Variants in PRMT9 observed in about 807,000 individuals in gnomAD.
PRMT9 encodes protein arginine methyltransferase 9.
PRMT9 carries 59 observed loss-of-function variants against 83.2 expected under a neutral mutation model. The observed-to-expected ratio is 0.71, with a 90% confidence interval of 0.57 to 0.88. The LOEUF is 0.88. Among genes scored for constraint, PRMT9 ranks in the 40% least tolerant of loss-of-function variants. The pLI is 0.00. For missense variants in PRMT9, 947 were observed against 1,021.9 expected (o/e 0.93, Z 1.00); for synonymous variants, 333 against 353.2 (o/e 0.94, Z 0.64).
intron 8 of PRMT9, 94 bp downstream of exon 8, chr4:147,657,698 A>G (rs540145210): frequency 1.1e-6 from 1 of 925,504 alleles, no homozygotes; most frequent in Admixed American, 2.1e-5. Flanking sequence ...TTTGACTGAA[A>G]CCTTCATATC....
At chr4:147,669,096 A>G (rs1424236627) in intron 5 of PRMT9, among the ~76,000 whole-genome samples, 2 of 152,110 alleles carry the variant, frequency 1.3e-5, no homozygotes, top group Non-Finnish European at 2.9e-5. Context: ...TAAAAAAAAA[A>G]AAGTATTTTT....
At chr4:147,660,036 G>C (rs1734846507) in intron 7 of PRMT9, among the ~76,000 whole-genome samples, 1 of 152,152 alleles carries the variant, frequency 6.6e-6, no homozygotes, top group African/African-American at 2.4e-5. Context: ...CATGAAGGCT[G>C]GTCACCATAA....
chr4:147,671,396 T>C lies in PRMT9; in HGVS notation c.744-653A>G, dbSNP rs1176748129. On this transcript the variant is annotated intron_variant, in intron 4 of 11. Coordinates refer to ENST00000322396, the MANE Select transcript of PRMT9 (RefSeq NM_138364.4). ...CAGAACTCTGCTCTTCTGTCCATTC[T>C]TTCTTTCTAGAAAACTTTACTCAAA... Among the ~76,000 whole-genome samples, 4 of 152,238 alleles carry C rather than the reference T, an allele frequency of 2.6e-5. No homozygotes were observed. In the East Asian group the frequency reaches 5.8e-4, roughly 22 times the overall value.
chr4:147,641,780 G>C (rs1317170992), intron 10 of PRMT9, among the ~76,000 whole-genome samples: 1 of 152,092 alleles, frequency 6.6e-6, no homozygotes, highest in Non-Finnish European at 1.5e-5. Context: ...TCCTACCTCA[G>C]CCTCCCAAGT....
At chr4:147,652,202 ATTAAT>A (rs1177259352) in intron 9 of PRMT9, among the ~76,000 whole-genome samples, 1 of 152,116 alleles carries the variant, frequency 6.6e-6, no homozygotes, top group Non-Finnish European at 1.5e-5. Flanking sequence ...TTCTAATTTA[ATTAAT>A]TTAAAAAAAA....
At chr4:147,678,861 G>C (rs1736269713) in intron 2 of PRMT9, among the ~76,000 whole-genome samples, 1 of 152,150 alleles carries the variant, frequency 6.6e-6, no homozygotes, top group Non-Finnish European at 1.5e-5. Flanking sequence ...GCTTGCACCT[G>C]GTTTTCCTTT....
At chr4:147,661,261 TAA>T (rs35220006) in intron 6 of PRMT9, 26,044 of 285,378 alleles carry the variant, frequency 0.091, no homozygotes, top group Middle Eastern at 0.12. Context: ...GTCTGCTCAC[TAA>T]AAAAAAAAAA....
chr4:147,674,911 C>A (rs541621181), intron 2 of PRMT9, among the ~76,000 whole-genome samples: 63 of 152,358 alleles, frequency 4.1e-4, no homozygotes, highest in Non-Finnish European at 7.5e-4. Flanking sequence ...CAGAACTGAG[C>A]TAGTAGAACC....
rs964592466 is a variant in PRMT9 at position 147,638,361 on chromosome 4, TATA to T, written c.*168_*170del. 1.6e-6 allele frequency: 1 copy of T among 618,870 alleles called. No individual in the cohort carries two copies. Among genetic ancestry groups the T allele is most frequent in the African/African-American group, 1.8e-5 (1 of 54,332 alleles). The allele number at this position is 618,870 out of a possible 1,614,324, so 38.3% of individuals were successfully genotyped here. A position where few individuals can be genotyped will look rare whatever the true frequency, so the allele number is the denominator to read the frequency against. ...GAAAGCAAATCTGCAGCAGTATTTCTATAATAATGCTACCCTTTTATTTAGAAT... is the reference window on the plus strand; with the variant it reads ...GAAAGCAAATCTGCAGCAGTATTTCTATAATGCTACCCTTTTATTTAGAAT... On this transcript the variant is annotated 3_prime_UTR_variant, in exon 12 of 12. Transcript: ENST00000322396.
chr4:147,654,133 G>A lies in PRMT9; in HGVS notation c.1764C>T (p.Ser588=), dbSNP rs777254663. ...ILEPFYVLDV[S]EGFSVLPVIA... ...TAACAGGCAGAACAGAGAAGCCTTC[G>A]GACACATCTAACACGTAGAAAGGTT... Residue 588 remains serine, a synonymous_variant, in exon 9 of 12, where the codon TCC becomes TCT. Transcript: ENST00000322396. The A allele has an allele frequency of 1.2e-5, 19 of 1,614,020 alleles. 1 individual carries two copies. The Middle Eastern group carries it at 8.2e-4, about 70-fold the overall frequency.
At chr4:147,657,766 T>C in intron 8 of PRMT9, 26 bp downstream of exon 8, 1 of 1,269,716 alleles carries the variant, frequency 7.9e-7, no homozygotes, top group African/African-American at 1.5e-5. Flanking sequence ...AGCAAGAGGT[T>C]AAAAAAAAAA....
chr4:147,682,178 T>C (rs1410706300), intron 1 of PRMT9, among the ~76,000 whole-genome samples: 1 of 151,868 alleles, frequency 6.6e-6, no homozygotes, highest in Non-Finnish European at 1.5e-5. Flanking sequence ...GCTAATTTTT[T>C]ATTTTTATTT....
chr4:147,670,413 A>C (rs987897158), intron 5 of PRMT9, among the ~76,000 whole-genome samples: 2 of 152,158 alleles, frequency 1.3e-5, no homozygotes, highest in Non-Finnish European at 2.9e-5. Flanking sequence ...TCCCGACCTC[A>C]GGTGATCCAC....
rs771115158 is a variant in PRMT9, at chr4:147,683,789, G to T, written c.189+10C>A. ...GGATCTGCCAGCAAGTGAGAAAAAAGGACCCTCACCTTCACGTCGTGTTTC... is the reference window on the plus strand; with the variant it reads ...GGATCTGCCAGCAAGTGAGAAAAAATGACCCTCACCTTCACGTCGTGTTTC... On this transcript the variant is annotated intron_variant, in intron 1 of 11. Coordinates refer to ENST00000322396, the MANE Select transcript of PRMT9 (RefSeq NM_138364.4). The T allele has an allele frequency of 6.8e-7, 1 of 1,467,398 alleles. No homozygotes were observed. The highest frequency in any genetic ancestry group is 9.2e-7 in the Non-Finnish European group (1 of 1,086,968). The allele number at this position is 1,467,398 out of a possible 1,614,324, so 90.9% of individuals were successfully genotyped here. A position where few individuals can be genotyped will look rare whatever the true frequency, so the allele number is the denominator to read the frequency against.
intron 9 of PRMT9, among the ~76,000 whole-genome samples, chr4:147,648,542 C>T (rs1160132123): frequency 1.3e-5 from 2 of 152,150 alleles, no homozygotes; most frequent in African/African-American, 4.8e-5. Flanking sequence ...AATGGGCAAA[C>T]ATAAGTAAAG....
chr4:147,645,804 G>GA (rs1270628056), intron 9 of PRMT9, among the ~76,000 whole-genome samples: 5 of 152,176 alleles, frequency 3.3e-5, no homozygotes, highest in Non-Finnish European at 2.9e-5. Flanking sequence ...ATTCAGCAAG[G>GA]AAAGTTAGAG....
At chr4:147,668,432 C>T (rs1448043427) in intron 6 of PRMT9, 107 bp downstream of exon 6, 4 of 738,142 alleles carry the variant, frequency 5.4e-6, no homozygotes, top group Admixed American at 2.0e-5. Context: ...TTTCCTGAGG[C>T]CTCCTCAGCA....
intron 5 of PRMT9, among the ~76,000 whole-genome samples, chr4:147,669,753 TTC>T (rs1222752834): frequency 3.3e-5 from 5 of 152,296 alleles, no homozygotes; most frequent in African/African-American, 7.2e-5. Context: ...CCAAATAATT[TTC>T]TGTTAATATT....
intron 5 of PRMT9, 92 bp from the exon 6 acceptor site, chr4:147,668,737 C>A: frequency 2.5e-6 from 2 of 806,898 alleles, no homozygotes; most frequent in Non-Finnish European, 2.1e-6. Flanking sequence ...TTTAAAAAAC[C>A]TAAAAAGACA....
Sources: gnomAD v4.1 joint callset for allele counts (sites outside exome capture counted in the v4.1 genomes callset) on GRCh38, gnomAD v4.1.1 for gene constraint, MANE v1.5 for transcripts, NCBI Gene and HGNC (gene_info 2026-07-23, HGNC 2026-07-21) for gene names.